Variants in PSPH observed in about 807,000 individuals in gnomAD.
PSPH encodes L-3-phosphoserine phosphatase.
In PSPH, 16 loss-of-function variants were observed where a neutral mutation model predicts 23.4. The ratio of observed to expected loss-of-function variants is 0.68; its 90% CI spans 0.46 to 1.04. PSPH has a LOEUF of 1.04. Among genes scored for constraint, PSPH ranks in the 50% least tolerant of loss-of-function variants. The pLI is 0.00. For missense variants in PSPH, 223 were observed against 273.7 expected (o/e 0.81, Z 1.31); for synonymous variants, 68 against 99.7 (o/e 0.68, Z 1.89).
Position 56,019,717 on chromosome 7 carries a change from C to T in PSPH, c.158G>A (p.Gly53Asp). ...AVSEMTRRAM[G>D]GAVPFKAALT... Reference sequence around the variant, plus strand: ...AGCAGCTTTGAAAGGCACTGCCCCGCCCATGGCTCGCCGTGTCCTAGGAGG... The same window carrying T: ...AGCAGCTTTGAAAGGCACTGCCCCGTCCATGGCTCGCCGTGTCCTAGGAGG... The change falls in exon 5 of 8, where the codon GGC becomes GAC. Residue 53 changes from glycine to aspartate, a missense_variant. Coordinates refer to ENST00000275605, the MANE Select transcript of PSPH (RefSeq NM_004577.4). The T allele has an allele frequency of 1.2e-6, 2 of 1,613,592 alleles. No individual in the cohort carries two copies. The highest frequency in any genetic ancestry group is 1.7e-6 in the Non-Finnish European group (2 of 1,179,842).
intron 2 of PSPH, among the ~76,000 whole-genome samples, chr7:56,032,462 C>G (rs1791138485): frequency 6.7e-6 from 1 of 148,586 alleles, no homozygotes; most frequent in Admixed American, 6.8e-5. Flanking sequence ...TCAGGACCAT[C>G]CTGGCTAACA....
At chr7:56,039,894 C>G (rs571228806) in intron 1 of PSPH, among the ~76,000 whole-genome samples, 78 of 151,068 alleles carry the variant, frequency 5.2e-4, no homozygotes, top group African/African-American at 1.9e-3. Flanking sequence ...GTCAGGAGAT[C>G]GAGACCATCC....
intron 1 of PSPH, among the ~76,000 whole-genome samples, chr7:56,041,460 C>T (rs558848473): frequency 6.6e-6 from 1 of 151,890 alleles, no homozygotes; most frequent in Admixed American, 6.6e-5. Flanking sequence ...ATCTGCCCGC[C>T]TAGGCCTCCC....
At chr7:56,023,926 T>C (rs528174330) in intron 3 of PSPH, among the ~76,000 whole-genome samples, 1 of 152,030 alleles carries the variant, frequency 6.6e-6, no homozygotes, top group African/African-American at 2.4e-5. Context: ...TTTACTTTTT[T>C]TTTTTGTTTT....
chr7:56,047,785 G>A (rs1285402501), intron 1 of PSPH, among the ~76,000 whole-genome samples: 4 of 151,634 alleles, frequency 2.6e-5, no homozygotes, highest in Admixed American at 1.3e-4. Flanking sequence ...TCCTGCCTCA[G>A]CCTACTGAGT....
intron 7 of PSPH, among the ~76,000 whole-genome samples, chr7:56,013,184 C>CAT (rs1190309914): frequency 1.4e-4 from 20 of 146,904 alleles, no homozygotes; most frequent in African/African-American, 5.1e-4. Flanking sequence ...CACACACACA[C>CAT]ACACACACAT....
chr7:56,027,364 G>A (rs1790350843), intron 3 of PSPH, among the ~76,000 whole-genome samples: 1 of 152,192 alleles, frequency 6.6e-6, no homozygotes, highest in African/African-American at 2.4e-5. Context: ...ATGCATGGGT[G>A]CCATCTTCAA....
At chr7:56,014,671 C>T (rs1788348636) in intron 7 of PSPH, among the ~76,000 whole-genome samples, 3 of 152,028 alleles carry the variant, frequency 2.0e-5, no homozygotes, top group East Asian at 3.9e-4. Flanking sequence ...CGGCCGGGCA[C>T]GGTGGCTCAT....
intron 1 of PSPH, among the ~76,000 whole-genome samples, chr7:56,039,373 T>C (rs1459375005): frequency 6.6e-6 from 1 of 152,130 alleles, no homozygotes; most frequent in African/African-American, 2.4e-5. Context: ...ATCAATGATA[T>C]TATAATAATT....
intron 3 of PSPH, among the ~76,000 whole-genome samples, chr7:56,023,582 T>C (rs564269754): frequency 5.2e-4 from 79 of 152,110 alleles, no homozygotes; most frequent in African/African-American, 1.8e-3. Flanking sequence ...TAGAAAATCT[T>C]TGGACTAGAA....
intron 2 of PSPH, among the ~76,000 whole-genome samples, chr7:56,033,718 G>A (rs1272842219): frequency 6.6e-6 from 1 of 152,072 alleles, no homozygotes; most frequent in East Asian, 1.9e-4. Context: ...TGCACTAAGG[G>A]TGCTCCTGTG....
At chr7:56,042,393 G>A (rs1792669865) in intron 1 of PSPH, among the ~76,000 whole-genome samples, 1 of 152,128 alleles carries the variant, frequency 6.6e-6, no homozygotes, top group Admixed American at 6.6e-5. Context: ...ACTCACACCT[G>A]TAATCTCAGC....
chr7:56,028,138 C>T (rs968422431), intron 3 of PSPH, among the ~76,000 whole-genome samples: 17 of 152,048 alleles, frequency 1.1e-4, no homozygotes, highest in Admixed American at 6.6e-5. Context: ...TTACACATCC[C>T]CAGCTGAACA....
chr7:56,049,747 A>AT (rs1440887840), intron 1 of PSPH, among the ~76,000 whole-genome samples: 3 of 145,280 alleles, frequency 2.1e-5, no homozygotes, highest in South Asian at 2.2e-4. Context: ...CTTTATTATT[A>AT]TTATTATTTT....
chr7:56,027,815 G>T (rs1006818423), intron 3 of PSPH, among the ~76,000 whole-genome samples: 1 of 150,278 alleles, frequency 6.7e-6, no homozygotes, highest in African/African-American at 2.4e-5. Flanking sequence ...ACTTTGGGAG[G>T]CTAAGACAGC....
At chr7:56,037,461 C>T (rs759190699) in intron 1 of PSPH, among the ~76,000 whole-genome samples, 20 of 151,652 alleles carry the variant, frequency 1.3e-4, no homozygotes, top group Non-Finnish European at 2.2e-4. Flanking sequence ...CACTGTAACC[C>T]AGGCTGAAGT....
intron 1 of PSPH, among the ~76,000 whole-genome samples, chr7:56,036,383 CTAT>C (rs917946700): frequency 7.9e-5 from 12 of 152,030 alleles, no homozygotes; most frequent in Non-Finnish European, 1.3e-4. Flanking sequence ...TTAACTTATG[CTAT>C]TATTTGTATT....
At chr7:56,025,074 G>A (rs1169320438) in intron 3 of PSPH, among the ~76,000 whole-genome samples, 1 of 151,730 alleles carries the variant, frequency 6.6e-6, no homozygotes, top group African/African-American at 2.4e-5. Flanking sequence ...AAAGAGCTGG[G>A]ATTACAGGTG....
chr7:56,042,871 A>G (rs1456649692), intron 1 of PSPH, among the ~76,000 whole-genome samples: 2 of 152,186 alleles, frequency 1.3e-5, no homozygotes, highest in Non-Finnish European at 2.9e-5. Context: ...TAAAAAGAGG[A>G]CAAATAAAAG....
Sources: gnomAD v4.1 joint callset for allele counts (sites outside exome capture counted in the v4.1 genomes callset) on GRCh38, gnomAD v4.1.1 for gene constraint, MANE v1.5 for transcripts, NCBI Gene and HGNC (gene_info 2026-07-23, HGNC 2026-07-21) for gene names.